Variants in CRLF1 observed in about 807,000 individuals in gnomAD.
CRLF1 encodes cytokine receptor like factor 1, also known as cytokine receptor-like factor 1.
In CRLF1, 36 loss-of-function variants were observed where a neutral mutation model predicts 48.9. That is an observed-to-expected ratio of 0.74 (90% CI 0.56 to 0.97). The LOEUF (loss-of-function observed/expected upper bound fraction) is 0.97. Among genes scored for constraint, CRLF1 ranks in the 50% least tolerant of loss-of-function variants. CRLF1 has a pLI of 0.00. For missense variants in CRLF1, 534 were observed against 575.1 expected, an observed-to-expected ratio of 0.93 and a Z score of 0.73; for synonymous variants, 256 against 253.4, an observed-to-expected ratio of 1.01 and a Z score of -0.10.
chr19:18,594,032 T>TGTGGGGCC, intron 8 of CRLF1, 33 bp downstream of exon 8: 10 of 695,814 alleles, frequency 1.4e-5, no homozygotes, highest in Non-Finnish European at 2.0e-5. Flanking sequence ...CTCCCCTTGC[T>TGTGGGGCC]CCCTCCCGCC....
chr19:18,599,740 G>A lies in CRLF1; in HGVS notation c.222C>T (p.Leu74=), dbSNP rs1237840283. 6.2e-7 allele frequency: 1 copy of A among 1,604,086 alleles called. No individual in the cohort carries two copies. The highest frequency in any genetic ancestry group is 8.5e-7 in the Non-Finnish European group (1 of 1,175,574). ...GDPPGATAEG[L]YWTLNGRRLP... The stretch of plus-strand genomic sequence containing the variant: ...GGCGGCGCCCGTTGAGGGTCCAGTA[G>A]AGGCCCTCGGCGGTGGCTCCTGGTG... Residue 74 remains leucine (L), a synonymous_variant, in exon 2 of 9, where the codon CTC becomes CTT. Coordinates refer to ENST00000392386, the MANE Select transcript of CRLF1 (RefSeq NM_004750.5).
At chr19:18,599,886 A>C (rs1976198136) in intron 1 of CRLF1, 40 bp from the exon 2 acceptor site, 1 of 1,475,904 alleles carries the variant, frequency 6.8e-7, no homozygotes, top group South Asian at 1.4e-5. Flanking sequence ...CAGGGCGGGG[A>C]CCCTCCAAGC....
intron 1 of CRLF1, among the ~76,000 whole-genome samples, chr19:18,601,787 A>G (rs1387798483): frequency 6.6e-6 from 1 of 152,090 alleles, no homozygotes; most frequent in East Asian, 1.9e-4. Context: ...TCCTGCTTAT[A>G]TGTTAAAGAT....
chr19:18,606,454 C>G lies in CRLF1; in HGVS notation c.115+88G>C. The G allele has an allele frequency of 2.0e-6, 2 of 998,072 alleles. No homozygotes were observed. Among genetic ancestry groups the G allele is most frequent in the Non-Finnish European group, 1.2e-6 (1 of 827,682 alleles). The allele number at this position is 998,072 out of a possible 1,614,324, so 61.8% of individuals were successfully genotyped here. Reference sequence around the variant, plus strand: ...CTTTGTTCCCCGGCCGTCCAGGTGGCGCCCGCGCCCCCTCCCCCCGCGGCT... The same window carrying G: ...CTTTGTTCCCCGGCCGTCCAGGTGGGGCCCGCGCCCCCTCCCCCCGCGGCT... On this transcript the variant is annotated intron_variant, in intron 1 of 8. Transcript: ENST00000392386. The surrounding 1 kb of genome is among the most constrained non-coding windows in gnomAD (Gnocchi z 4.8).
At position 18,599,900 on chromosome 19, in the gene CRLF1, C is replaced by T; in HGVS notation, c.116-54G>A. ...CCAGGGCGGGGACCCTCCAAGCCCC[C>T]AACCATGCCAGGACCTCCAGGGTTC... On this transcript the variant is annotated intron_variant, in intron 1 of 8. Transcript: ENST00000392386. 2.1e-6 allele frequency: 3 copies of T among 1,453,050 alleles called. No homozygotes were observed. In the South Asian group the frequency reaches 4.5e-5, roughly 22 times the overall value. The allele number at this position is 1,453,050 out of a possible 1,614,324, so 90.0% of individuals were successfully genotyped here. A position where few individuals can be genotyped will look rare whatever the true frequency, so the allele number is the denominator to read the frequency against.
intron 6 of CRLF1, among the ~76,000 whole-genome samples, chr19:18,594,898 A>ATCC (rs1976110837): frequency 1.3e-5 from 2 of 152,208 alleles, no homozygotes; most frequent in African/African-American, 4.8e-5. Context: ...CCCAGGAGGA[A>ATCC]AGGGCCTGAT....
intron 7 of CRLF1, 68 bp from the exon 8 acceptor site, chr19:18,594,175 C>G (rs1568439530): frequency 6.3e-7 from 1 of 1,598,992 alleles, no homozygotes; most frequent in African/African-American, 1.3e-5. Flanking sequence ...TGCTGTCTTC[C>G]CCCTCCCCTG....
intron 1 of CRLF1, among the ~76,000 whole-genome samples, chr19:18,602,827 T>C (rs867780731): frequency 6.6e-6 from 1 of 151,456 alleles, no homozygotes; most frequent in African/African-American, 2.4e-5. Context: ...TCACCCAGGC[T>C]GGAGTGCAGT....
At chr19:18,594,928 T>G (rs993384335) in intron 6 of CRLF1, among the ~76,000 whole-genome samples, 20 of 152,086 alleles carry the variant, frequency 1.3e-4, no homozygotes, top group African/African-American at 2.2e-4. Context: ...ACAGAAACCC[T>G]GGGGACATAG....
intron 1 of CRLF1, among the ~76,000 whole-genome samples, chr19:18,604,517 T>A (rs1463015738): frequency 2.6e-5 from 4 of 152,126 alleles, no homozygotes; most frequent in Non-Finnish European, 4.4e-5. Context: ...GTGATTGCAA[T>A]CCAATGTCCA....
Position 18,594,442 on chromosome 19 carries a change from T to A in CRLF1, c.1025-8A>T, listed in dbSNP as rs1976102749. The A allele has an allele frequency of 7.0e-7, 1 of 1,418,762 alleles. No homozygotes were observed. Among genetic ancestry groups the A allele is most frequent in the African/African-American group, 1.5e-5 (1 of 65,726 alleles). The allele number at this position is 1,418,762 out of a possible 1,614,324, so 87.9% of individuals were successfully genotyped here. A position where few individuals can be genotyped will look rare whatever the true frequency, so the allele number is the denominator to read the frequency against. On this transcript the variant is annotated splice_polypyrimidine_tract_variant and splice_region_variant and intron_variant, in intron 6 of 8. Coordinates refer to ENST00000392386, the MANE Select transcript of CRLF1 (RefSeq NM_004750.5). ...CGCCCGGGCCCGGGCGCTCTGGTGG[T>A]GGGCGGAGCGGCAGTGTCAGAGCGC... is the stretch of plus-strand genomic sequence containing the variant.
intron 1 of CRLF1, among the ~76,000 whole-genome samples, chr19:18,603,571 A>C (rs1175525593): frequency 2.6e-5 from 4 of 152,144 alleles, no homozygotes; most frequent in African/African-American, 9.7e-5. Context: ...GGAAGAAGGG[A>C]CTGCAGGAGG....
Position 18,596,529 on chromosome 19 carries a change from A to G in CRLF1, c.1024+93T>C, listed in dbSNP as rs933411868. 12 of 1,489,208 alleles carry G rather than the reference A, an allele frequency of 8.1e-6. No homozygotes were observed. The African/African-American group carries it at 9.9e-5, about 12-fold the overall frequency. 92.2% of individuals were successfully genotyped at this position (1,489,208 alleles called of 1,614,324 possible). A position where few individuals can be genotyped will look rare whatever the true frequency, so the allele number is the denominator to read the frequency against. ...TGCGACAGAATGAGGCCGTGTCTCA[A>G]AAGAAAAAAAAAAGAAAAGAAAACA... On this transcript the variant is annotated intron_variant, in intron 6 of 8. Transcript: ENST00000392386.
intron 1 of CRLF1, among the ~76,000 whole-genome samples, chr19:18,603,440 G>A (rs17683569): frequency 6.6e-6 from 1 of 152,092 alleles, no homozygotes; most frequent in African/African-American, 2.4e-5. Flanking sequence ...GGCAGAAGCG[G>A]TGGGAAATGA....
chr19:18,596,850 C>T, intron 5 of CRLF1, 42 bp downstream of exon 5: 1 of 1,613,308 alleles, frequency 6.2e-7, no homozygotes, highest in Non-Finnish European at 8.5e-7. Context: ...GGGGGCGGGG[C>T]CTGGAAGGAA....
chr19:18,594,216 A>AC (rs1976097962), intron 7 of CRLF1, 31 bp downstream of exon 7: 1 of 1,501,266 alleles, frequency 6.7e-7, no homozygotes. Flanking sequence ...CCCTGTCCCC[A>AC]CCCCCACGCC....
rs1976179587 is a variant in CRLF1 at position 18,598,816 on chromosome 19, C to T, written c.483G>A (p.Gly161=). 2 of 1,613,958 alleles carry T rather than the reference C, an allele frequency of 1.2e-6. No individual in the cohort carries two copies. Among genetic ancestry groups the T allele is most frequent in the South Asian group, 1.1e-5 (1 of 91,068 alleles). Reference sequence around the variant, plus strand: ...AGTAGTTGGTGTGGAGGAAGGTCTCCCCGTGGGCCCCTGGCGTCCAGCGGC... The same window carrying T: ...AGTAGTTGGTGTGGAGGAAGGTCTCTCCGTGGGCCCCTGGCGTCCAGCGGC... ...LTCRWTPGAH[G]ETFLHTNYSL... The change falls in exon 3 of 9, where the codon GGG becomes GGA. Residue 161 remains glycine, a synonymous_variant. Transcript: ENST00000392386.
At chr19:18,595,125 G>A (rs1976114275) in intron 6 of CRLF1, among the ~76,000 whole-genome samples, 1 of 152,218 alleles carries the variant, frequency 6.6e-6, no homozygotes, top group African/African-American at 2.4e-5. Context: ...CAGGCCGGCG[G>A]ATAAGGACAT....
At chr19:18,594,030 G>GGGGGGGGGC in intron 8 of CRLF1, 35 bp downstream of exon 8, 15 of 1,315,248 alleles carry the variant, frequency 1.1e-5, no homozygotes, top group Admixed American at 2.3e-5. Flanking sequence ...CCCTCCCCTT[G>GGGGGGGGGC]CTCCCTCCCG....
Sources: gnomAD v4.1 joint callset for allele counts (sites outside exome capture counted in the v4.1 genomes callset) on GRCh38, gnomAD v4.1.1 for gene constraint, Gnocchi (gnomAD v3.1) non-coding constraint, MANE v1.5 for transcripts, NCBI Gene and HGNC (gene_info 2026-07-23, HGNC 2026-07-21) for gene names.